Variants in FAIM observed in about 807,000 individuals in gnomAD.
The protein encoded by FAIM is Fas apoptotic inhibitory molecule, also known as fas apoptotic inhibitory molecule 1.
FAIM carries 14 observed loss-of-function variants against 21.2 expected under a neutral mutation model. That is an observed-to-expected ratio of 0.66 (90% CI 0.44 to 1.03). FAIM has a LOEUF of 1.03. FAIM is among the 50% of genes least tolerant of loss of function. FAIM has a pLI of 0.00. For synonymous variants in FAIM, 86 were observed against 80.4 expected, an observed-to-expected ratio of 1.07 and a Z score of -0.37; for missense variants, 222 against 247.1, an observed-to-expected ratio of 0.90 and a Z score of 0.68.
intron 4 of FAIM, among the ~76,000 whole-genome samples, chr3:138,624,095 G>GT (rs1266395708): frequency 6.6e-6 from 1 of 151,988 alleles, no homozygotes; most frequent in South Asian, 2.1e-4. Context: ...AAATTTCATA[G>GT]TGATATGTTT....
At chr3:138,609,902 G>C (rs971745362) in intron 1 of FAIM, among the ~76,000 whole-genome samples, 1 of 152,096 alleles carries the variant, frequency 6.6e-6, no homozygotes, top group Non-Finnish European at 1.5e-5. Flanking sequence ...AAGGCTTCTG[G>C]TATAGATTGT....
At chr3:138,631,170 T>C (rs1303569862) in intron 5 of FAIM, 1 of 151,634 alleles carries the variant, frequency 6.6e-6, no homozygotes, top group African/African-American at 2.4e-5. Flanking sequence ...AGTTGTAACT[T>C]TGGGAGGCCA....
At chr3:138,625,638 G>GAGCAAGGC (rs2042931314) in intron 4 of FAIM, among the ~76,000 whole-genome samples, 1 of 152,084 alleles carries the variant, frequency 6.6e-6, no homozygotes, top group Non-Finnish European at 1.5e-5. Flanking sequence ...TGAGAAATTA[G>GAGCAAGGC]AGCAAGGCCA....
chr3:138,616,492 C>T (rs2042826257), intron 1 of FAIM, among the ~76,000 whole-genome samples: 1 of 152,056 alleles, frequency 6.6e-6, no homozygotes, highest in Admixed American at 6.6e-5. Flanking sequence ...GCGATCCTCC[C>T]TCCTCCCATG....
chr3:138,626,447 T>C (rs150594896), intron 4 of FAIM, among the ~76,000 whole-genome samples: 1 of 152,332 alleles, frequency 6.6e-6, no homozygotes, highest in East Asian at 1.9e-4. Flanking sequence ...ACACATATTC[T>C]CTCTTACCAC....
chr3:138,617,845 TTATC>T (rs1229513342), intron 1 of FAIM, among the ~76,000 whole-genome samples: 18 of 146,626 alleles, frequency 1.2e-4, no homozygotes, highest in East Asian at 9.8e-4. Flanking sequence ...TATCTATATA[TTATC>T]TATCTATATT....
intron 4 of FAIM, among the ~76,000 whole-genome samples, chr3:138,623,657 C>T (rs1235232826): frequency 6.6e-6 from 1 of 152,212 alleles, no homozygotes; most frequent in African/African-American, 2.4e-5. Context: ...GTGTGAGCAG[C>T]TGTGCCCACC....
intron 2 of FAIM, 34 bp downstream of exon 2, chr3:138,619,804 G>C (rs1577011064): frequency 3.2e-6 from 5 of 1,560,322 alleles, no homozygotes; most frequent in Non-Finnish European, 2.6e-6. Context: ...ACTAGCCTTT[G>C]ACATTTTCAA....
chr3:138,629,336 C>T (rs1393503701), intron 5 of FAIM, 180 bp downstream of exon 5: 6 of 494,968 alleles, frequency 1.2e-5, no homozygotes, highest in South Asian at 9.0e-5. Flanking sequence ...TGCCTGGTAC[C>T]GTGAGTTTGG....
chr3:138,610,115 G>A (rs1233275867), intron 1 of FAIM, among the ~76,000 whole-genome samples: 2 of 152,098 alleles, frequency 1.3e-5, no homozygotes, highest in East Asian at 3.9e-4. Flanking sequence ...TGCTGAAAAG[G>A]GAACCATGAG....
intron 4 of FAIM, among the ~76,000 whole-genome samples, chr3:138,628,467 TTATTTATTTATTTA>T (rs1293738030): frequency 6.7e-6 from 1 of 149,886 alleles, no homozygotes; most frequent in Non-Finnish European, 1.5e-5. Context: ...TCCTTCTTTT[TTATTTATTTATTTA>T]TTTATTTATT....
rs376568734 is a variant in FAIM at position 138,622,421 on chromosome 3, G to A, written c.406+5G>A. 1 of 1,525,744 alleles carries A rather than the reference G, an allele frequency of 6.6e-7. No individual in the cohort carries two copies. Among genetic ancestry groups the A allele is most frequent in the Non-Finnish European group, 8.9e-7 (1 of 1,128,120 alleles). 94.5% of individuals were successfully genotyped at this position (1,525,744 alleles called of 1,614,324 possible). A position where few individuals can be genotyped will look rare whatever the true frequency, so the allele number is the denominator to read the frequency against. Reference sequence around the variant, plus strand: ...AGAACTTTAGAATTGTTTTGGGTAAGTTAGTGCTGTTTCCGCAGAACTTTT... The same window carrying A: ...AGAACTTTAGAATTGTTTTGGGTAAATTAGTGCTGTTTCCGCAGAACTTTT... On this transcript the variant is annotated splice_donor_5th_base_variant and intron_variant, in intron 4 of 5. Transcript: ENST00000360570.
intron 4 of FAIM, among the ~76,000 whole-genome samples, chr3:138,624,509 A>G (rs1392727704): frequency 6.6e-6 from 1 of 152,228 alleles, no homozygotes; most frequent in Non-Finnish European, 1.5e-5. Context: ...GAAATGAGAC[A>G]GAGTTCAGCC....
chr3:138,609,533 ACTCTCTCTCTCT>A, intron 1 of FAIM, among the ~76,000 whole-genome samples: 1 of 3,364 alleles, frequency 3.0e-4, no homozygotes, highest in Non-Finnish European at 6.2e-4. Flanking sequence ...AAGTGCTGAA[ACTCTCTCTCTCT>A]CTCTCTCTCT....
At chr3:138,614,367 G>T (rs1052427597) in intron 1 of FAIM, among the ~76,000 whole-genome samples, 2 of 152,138 alleles carry the variant, frequency 1.3e-5, no homozygotes, top group Non-Finnish European at 2.9e-5. Context: ...TTGAGCCCAG[G>T]AGGTCGAGGC....
In FAIM at chr3:138,622,372, C is replaced by T. The variant is rs1325154281; in HGVS notation, c.362C>T (p.Thr121Ile). 6.2e-7 allele frequency: 1 copy of T among 1,612,420 alleles called. No homozygotes were observed. Among genetic ancestry groups the T allele is most frequent in the Non-Finnish European group, 8.5e-7 (1 of 1,179,600 alleles). ...GAGGACAGATCAAAAACCACCAATA[C>T]TTGGGTATTACACATGGATGGTGAG... ...YMEDRSKTTN[T>I]WVLHMDGENF... Residue 121 changes from threonine (T) to isoleucine (I), a missense_variant, in exon 4 of 6, where the codon ACT (threonine) becomes ATT (isoleucine). Physicochemically the swap from Thr to Ile is moderately conservative, Grantham distance 89. Transcript: ENST00000360570.
chr3:138,615,375 G>C (rs550652014), intron 1 of FAIM, among the ~76,000 whole-genome samples: 1 of 152,222 alleles, frequency 6.6e-6, no homozygotes, highest in Non-Finnish European at 1.5e-5. Context: ...TATTTGTTGA[G>C]TTAATGGATT....
chr3:138,615,923 G>A (rs1449889071), intron 1 of FAIM, among the ~76,000 whole-genome samples: 1 of 152,246 alleles, frequency 6.6e-6, no homozygotes, highest in Non-Finnish European at 1.5e-5. Context: ...AGGAGGCAGA[G>A]TTGATTTTGG....
At chr3:138,613,475 A>G (rs1050056520) in intron 1 of FAIM, among the ~76,000 whole-genome samples, 1 of 152,042 alleles carries the variant, frequency 6.6e-6, no homozygotes, top group African/African-American at 2.4e-5. Context: ...TTGATGCACA[A>G]AAATTTTAGT....
Sources: gnomAD v4.1 joint callset for allele counts (sites outside exome capture counted in the v4.1 genomes callset) on GRCh38, gnomAD v4.1.1 for gene constraint, MANE v1.5 for transcripts, NCBI Gene and HGNC (gene_info 2026-07-23, HGNC 2026-07-21) for gene names.